PEF1: variants seen among roughly 807,000 people sequenced by gnomAD.
PEF1 encodes penta-EF-hand domain containing 1, also known as peflin.
Under a neutral mutation model 32.0 loss-of-function variants are expected in PEF1, and 17 were observed. The observed-to-expected ratio is 0.53, with a 90% confidence interval of 0.36 to 0.80. The LOEUF is 0.80. PEF1 is among the 30% of genes least tolerant of loss of function. The pLI, the probability that PEF1 is intolerant of heterozygous loss-of-function variation, is 0.00. For missense variants in PEF1, 362 were observed against 369.1 expected (o/e 0.98, Z 0.16); for synonymous variants, 130 against 139.8 (o/e 0.93, Z 0.50).
intron 4 of PEF1, among the ~76,000 whole-genome samples, chr1:31,631,586 G>C (rs1476663665): frequency 1.3e-5 from 2 of 152,124 alleles, no homozygotes; most frequent in African/African-American, 4.8e-5. Context: ...CCGGTAAAAG[G>C]GAGATTATAA....
intron 1 of PEF1, among the ~76,000 whole-genome samples, chr1:31,640,555 CT>C (rs1276745385): frequency 6.6e-6 from 1 of 152,134 alleles, no homozygotes; most frequent in African/African-American, 2.4e-5. Context: ...ATCAGGGACT[CT>C]TAGAAAAATC....
intron 1 of PEF1, chr1:31,644,118 C>T (rs1447662191): frequency 6.5e-6 from 1 of 153,012 alleles, no homozygotes; most frequent in Non-Finnish European, 1.5e-5. Context: ...AAGATATGAA[C>T]CTACCTCTGA....
intron 4 of PEF1, 142 bp downstream of exon 4, chr1:31,632,353 G>A (rs1237993087): frequency 5.0e-6 from 7 of 1,398,602 alleles, no homozygotes; most frequent in Non-Finnish European, 7.1e-6. Flanking sequence ...AGGGGTGAGG[G>A]ATGCAGGCCT....
chr1:31,633,781 C>A (rs576987615), intron 2 of PEF1, among the ~76,000 whole-genome samples: 1 of 152,026 alleles, frequency 6.6e-6, no homozygotes, highest in Non-Finnish European at 1.5e-5. Context: ...CATGGAGAAA[C>A]CCCGTCTCTA....
At chr1:31,638,502 T>C (rs561943701) in intron 1 of PEF1, among the ~76,000 whole-genome samples, 5 of 152,284 alleles carry the variant, frequency 3.3e-5, no homozygotes, top group African/African-American at 1.2e-4. Context: ...TGCCCCACTA[T>C]AAGCCCTGTG....
chr1:31,639,710 A>G (rs1183484597), intron 1 of PEF1, among the ~76,000 whole-genome samples: 1 of 152,250 alleles, frequency 6.6e-6, no homozygotes, highest in Non-Finnish European at 1.5e-5. Context: ...AAGCTATTTC[A>G]GAGATAGACC....
chr1:31,641,495 T>C (rs1640389642), intron 1 of PEF1, among the ~76,000 whole-genome samples: 1 of 152,238 alleles, frequency 6.6e-6, no homozygotes, highest in Non-Finnish European at 1.5e-5. Flanking sequence ...CTTTGGGATC[T>C]GGCCCTTGCT....
Position 31,633,310 on chromosome 1 carries a change from G to A in PEF1, c.330C>T (p.Gly110=), listed in dbSNP as rs1640166925. The A allele has an allele frequency of 9.3e-6, 15 of 1,610,082 alleles. No homozygotes were observed. The highest frequency in any genetic ancestry group is 4.5e-5 in the East Asian group (2 of 44,778). Residue 110 remains glycine, a synonymous_variant, in exon 3 of 5, where the codon GGC becomes GGT. Transcript: ENST00000373703. The part of the protein sequence containing the change: ...AQQPGLYGQG[G]APPNVDPEAY... ...CCTCAGGATCCACATTGGGAGGGGCGCCACCTGGAGGAAGGGGTGTGAAGG... is the reference window on the plus strand; with the variant it reads ...CCTCAGGATCCACATTGGGAGGGGCACCACCTGGAGGAAGGGGTGTGAAGG...
At chr1:31,634,286 G>C (rs1252368275) in intron 2 of PEF1, among the ~76,000 whole-genome samples, 1 of 152,234 alleles carries the variant, frequency 6.6e-6, no homozygotes, top group Non-Finnish European at 1.5e-5. Context: ...TGTGTAGTTT[G>C]TATAGAAGGG....
Position 31,630,468 on chromosome 1 carries a change from C to T in PEF1, c.*145G>A. Reference sequence around the variant, plus strand: ...TTGGTGGCTATGATGCAGGACTCTCCACCCTCTTTTGGAACAGTGTTGCAT... The same window carrying T: ...TTGGTGGCTATGATGCAGGACTCTCTACCCTCTTTTGGAACAGTGTTGCAT... On this transcript the variant is annotated 3_prime_UTR_variant, in exon 5 of 5. Transcript: ENST00000373703. 1.2e-6 allele frequency: 1 copy of T among 868,248 alleles called. No individual in the cohort carries two copies. The highest frequency in any genetic ancestry group is 1.8e-6 in the Non-Finnish European group (1 of 561,180). 53.8% of individuals were successfully genotyped at this position (868,248 alleles called of 1,614,324 possible).
In PEF1 at chr1:31,635,329, G is replaced by T. The variant is rs780044590; in HGVS notation, c.218C>A (p.Pro73His). ...PYGHPNPGMFPSGTPGGPYGG... is the reference protein window; with the variant it reads ...PYGHPNPGMFHSGTPGGPYGG... ...ATATGGTCCTCCTGGAGTTCCAGAG[G>T]GGAACATCCCAGGATTGGGGTGTCC... The change falls in exon 2 of 5, where the codon CCC becomes CAC. Residue 73 changes from proline (P) to histidine (H), a missense_variant. Pro to His is a moderately conservative substitution (Grantham distance 77). Coordinates refer to ENST00000373703, the MANE Select transcript of PEF1 (RefSeq NM_012392.4). 1 of 1,614,034 alleles carries T rather than the reference G, an allele frequency of 6.2e-7. No homozygotes were observed. Among genetic ancestry groups the T allele is most frequent in the South Asian group, 1.1e-5 (1 of 91,074 alleles).
In PEF1 at chr1:31,631,713, A is replaced by G. The variant is rs897730807; in HGVS notation, c.625+782T>C. 5.3e-5 allele frequency among the ~76,000 whole-genome samples: 8 copies of G among 152,246 alleles called. No individual in the cohort carries two copies. In the East Asian group the frequency reaches 1.3e-3, roughly 26 times the overall value. On this transcript the variant is annotated intron_variant, in intron 4 of 4. Coordinates refer to ENST00000373703, the MANE Select transcript of PEF1 (RefSeq NM_012392.4). ...CAGTAAATACGTTTTGTTGTGGTTA[A>G]TATCACCCTTACTAATATCCACGAC...
chr1:31,636,535 T>C (rs1302654478), intron 1 of PEF1, among the ~76,000 whole-genome samples: 4 of 152,136 alleles, frequency 2.6e-5, no homozygotes, highest in African/African-American at 9.7e-5. Context: ...GGTTCTGCCA[T>C]TTACTAACTG....
chr1:31,630,685 G>T lies in PEF1; in HGVS notation c.783C>A (p.Asp261Glu). 6.2e-7 allele frequency: 1 copy of T among 1,613,900 alleles called. No individual in the cohort carries two copies. Among genetic ancestry groups the T allele is most frequent in the Non-Finnish European group, 8.5e-7 (1 of 1,180,042 alleles). ...GCCGAATGTTGCCTTGTACAGCTGT[G>T]TCCTTCTCCCGGAAGGCCTCTGTCA... ...QVLTEAFREK[D>E]TAVQGNIRLS... The change falls in exon 5 of 5, where the codon GAC (aspartate) becomes GAA (glutamate). Residue 261 changes from aspartate to glutamate, a missense_variant. Coordinates refer to ENST00000373703, the MANE Select transcript of PEF1 (RefSeq NM_012392.4).
At chr1:31,635,050 C>A in intron 2 of PEF1, 172 bp downstream of exon 2, 1 of 878,724 alleles carries the variant, frequency 1.1e-6, no homozygotes, top group South Asian at 1.5e-5. Flanking sequence ...TAAATGCTTG[C>A]AACAAAACTA....
intron 1 of PEF1, among the ~76,000 whole-genome samples, chr1:31,638,097 G>A (rs1273906739): frequency 6.6e-6 from 1 of 152,174 alleles, no homozygotes; most frequent in East Asian, 1.9e-4. Flanking sequence ...GGAGACATAA[G>A]TCATGTGCCA....
chr1:31,642,189 T>C (rs530783389), intron 1 of PEF1, among the ~76,000 whole-genome samples: 5 of 152,346 alleles, frequency 3.3e-5, no homozygotes, highest in South Asian at 2.1e-4. Context: ...GCCAAGATTG[T>C]GCCATTGCAC....
At chr1:31,638,108 T>C (rs572216555) in intron 1 of PEF1, among the ~76,000 whole-genome samples, 1 of 152,264 alleles carries the variant, frequency 6.6e-6, no homozygotes, top group South Asian at 2.1e-4. Flanking sequence ...TCATGTGCCA[T>C]AGGACTGCAA....
intron 1 of PEF1, among the ~76,000 whole-genome samples, chr1:31,642,030 G>A (rs1033653043): frequency 2.0e-4 from 30 of 152,346 alleles, no homozygotes; most frequent in Middle Eastern, 3.4e-3. Flanking sequence ...TTAGGAGTTT[G>A]AGACCAGCCT....
Sources: gnomAD v4.1 joint callset for allele counts (sites outside exome capture counted in the v4.1 genomes callset) on GRCh38, gnomAD v4.1.1 for gene constraint, MANE v1.5 for transcripts, NCBI Gene and HGNC (gene_info 2026-07-23, HGNC 2026-07-21) for gene names.